Variants in CHD6 observed in about 807,000 individuals in gnomAD.
CHD6 encodes the protein ATP-dependent chromatin remodeler CHD6.
A neutral mutation model predicts 276.9 loss-of-function variants in CHD6; 50 were observed. The observed-to-expected ratio is 0.18, with a 90% CI of 0.14 to 0.23. The LOEUF (loss-of-function observed/expected upper bound fraction) is 0.23, where lower values mean the gene tolerates loss of function less well. CHD6 is among the 10% of genes least tolerant of loss of function. The probability of loss-of-function intolerance (pLI) is 1.00; values close to 1 mark genes in which losing one functional copy is unlikely to be tolerated. For synonymous variants in CHD6, 1,173 were observed against 1,229.3 expected, an observed-to-expected ratio of 0.95 and a Z score of 0.96; for missense variants, 2,564 against 3,365.8, an observed-to-expected ratio of 0.76 and a Z score of 5.89.
chr20:41,534,050 C>T (rs2044762304), intron 2 of CHD6, among the ~76,000 whole-genome samples: 1 of 152,208 alleles, frequency 6.6e-6, no homozygotes, highest in African/African-American at 2.4e-5. Flanking sequence ...CCCAAAGTGA[C>T]CACTTTTTAA....
chr20:41,557,449 A>C (rs1293907979), intron 1 of CHD6, among the ~76,000 whole-genome samples: 1 of 152,056 alleles, frequency 6.6e-6, no homozygotes, highest in African/African-American at 2.4e-5. Flanking sequence ...TCTCCAGTCC[A>C]AAAAATCTGC....
chr20:41,531,591 CTT>C (rs368895997), intron 3 of CHD6, among the ~76,000 whole-genome samples: 334 of 152,328 alleles, frequency 2.2e-3, no homozygotes, highest in African/African-American at 7.5e-3. Context: ...CTACCTCTCT[CTT>C]GGCCGTCTGT....
chr20:41,499,946 T>G (rs930683042), intron 5 of CHD6, among the ~76,000 whole-genome samples: 23 of 152,206 alleles, frequency 1.5e-4, no homozygotes, highest in Non-Finnish European at 1.0e-4. Context: ...AAAGGCTGTT[T>G]CACTGATCAT....
intron 25 of CHD6, among the ~76,000 whole-genome samples, chr20:41,442,396 G>T (rs2047928968): frequency 6.6e-6 from 1 of 152,160 alleles, no homozygotes; most frequent in Admixed American, 6.5e-5. Flanking sequence ...AGGCTACAGT[G>T]AGCTGTGATC....
At chr20:41,605,926 T>C (rs942889354) in intron 1 of CHD6, among the ~76,000 whole-genome samples, 9 of 152,190 alleles carry the variant, frequency 5.9e-5, no homozygotes, top group Non-Finnish European at 1.0e-4. Flanking sequence ...GAACCTACTA[T>C]GTACAAACCT....
intron 1 of CHD6, among the ~76,000 whole-genome samples, chr20:41,606,674 C>CAA (rs10631069): frequency 0.39 from 51,187 of 132,198 alleles, 11,470 homozygotes; most frequent in African/African-American, 0.64. Context: ...GACTCCATCT[C>CAA]AAAAAAAAAA....
chr20:41,520,552 C>G (rs1018613881), intron 3 of CHD6, among the ~76,000 whole-genome samples: 3 of 151,602 alleles, frequency 2.0e-5, no homozygotes, highest in Admixed American at 6.6e-5. Context: ...CCATCATTCT[C>G]AGCAAACTAT....
chr20:41,516,911 T>G lies in CHD6; in HGVS notation c.555-1959A>C, dbSNP rs191820806. 6.6e-5 allele frequency among the ~76,000 whole-genome samples: 10 copies of G among 152,192 alleles called. No individual in the cohort carries two copies. In the East Asian group the frequency reaches 1.9e-3, roughly 29 times the overall value. Reference sequence around the variant, plus strand: ...AGTGGGGAACAAGAAGAGCCAACACTGGTACTTCCCATCAGGAGAGTTAGT... The same window carrying G: ...AGTGGGGAACAAGAAGAGCCAACACGGGTACTTCCCATCAGGAGAGTTAGT... On this transcript the variant is annotated intron_variant, in intron 3 of 36. Transcript: ENST00000373233.
intron 11 of CHD6, among the ~76,000 whole-genome samples, chr20:41,490,601 T>C (rs2043528100): frequency 6.6e-6 from 1 of 152,096 alleles, no homozygotes; most frequent in Non-Finnish European, 1.5e-5. Context: ...TCACCTGAGG[T>C]CAGGAGTTCG....
intron 2 of CHD6, among the ~76,000 whole-genome samples, chr20:41,539,723 T>C (rs1418482537): frequency 6.6e-6 from 1 of 152,206 alleles, no homozygotes; most frequent in Non-Finnish European, 1.5e-5. Context: ...AGGAAACACA[T>C]AATAACTCCA....
intron 1 of CHD6, among the ~76,000 whole-genome samples, chr20:41,615,349 C>CAAAAAAAAAA (rs11379388): frequency 3.2e-5 from 4 of 124,338 alleles, no homozygotes; most frequent in African/African-American, 1.1e-4. Context: ...CATTCCATTG[C>CAAAAAAAAAA]AAAAAAAAAA....
intron 1 of CHD6, among the ~76,000 whole-genome samples, chr20:41,562,423 T>C (rs1214577676): frequency 1.3e-5 from 2 of 152,116 alleles, no homozygotes; most frequent in African/African-American, 4.8e-5. Context: ...GGATTTCTCA[T>C]ATATTCAAGC....
chr20:41,446,770 C>T (rs1452045523), intron 24 of CHD6, among the ~76,000 whole-genome samples: 1 of 152,142 alleles, frequency 6.6e-6, no homozygotes, highest in Non-Finnish European at 1.5e-5. Flanking sequence ...ATGGCAACTT[C>T]TCCACAAGAA....
intron 1 of CHD6, among the ~76,000 whole-genome samples, chr20:41,610,032 T>C (rs1458524040): frequency 2.0e-5 from 3 of 152,036 alleles, no homozygotes; most frequent in Non-Finnish European, 4.4e-5. Context: ...AATTTTTGTA[T>C]TTTTAGTAGA....
At position 41,533,055 on chromosome 20, in the gene CHD6, C is replaced by T; in HGVS notation, c.549G>A (p.Lys183=). 2.5e-6 allele frequency: 4 copies of T among 1,589,056 alleles called. No homozygotes were observed. The highest frequency in any genetic ancestry group is 3.4e-6 in the Non-Finnish European group (4 of 1,172,172). Residue 183 remains lysine, a synonymous_variant, in exon 3 of 37, where the codon AAG becomes AAA. Coordinates refer to ENST00000373233, the MANE Select transcript of CHD6 (RefSeq NM_032221.5). ...GAAGGGAGAAAGGAACGTACCTGGC[C>T]TTCCTGGACTTCGTCCTGGCTGCAG... ...TDSAARTKSR[K]ASKEQGPTPV...
intron 4 of CHD6, among the ~76,000 whole-genome samples, chr20:41,513,725 G>A (rs1297867469): frequency 2.0e-5 from 3 of 151,860 alleles, no homozygotes; most frequent in Non-Finnish European, 4.4e-5. Context: ...ATCACTTCAG[G>A]GAACCATTTA....
At chr20:41,478,172 A>C (rs1267056566) in intron 16 of CHD6, among the ~76,000 whole-genome samples, 1 of 152,154 alleles carries the variant, frequency 6.6e-6, no homozygotes. Flanking sequence ...TGAAGTGCAC[A>C]GTCAACAAGC....
Position 41,533,544 on chromosome 20 carries a change from G to A in CHD6, c.60C>T (p.His20=). ...KQLSNLKVLN[H]SPMSDASVNF... Reference sequence around the variant, plus strand: ...TGACAGAGGCATCAGACATTGGGGAGTGATTCAAAACTTTTAAATTTGACA... The same window carrying A: ...TGACAGAGGCATCAGACATTGGGGAATGATTCAAAACTTTTAAATTTGACA... The change falls in exon 3 of 37, where the codon CAC becomes CAT. Residue 20 remains histidine (H), a synonymous_variant. Coordinates refer to ENST00000373233, the MANE Select transcript of CHD6 (RefSeq NM_032221.5). The A allele has an allele frequency of 6.2e-7, 1 of 1,608,996 alleles. No homozygotes were observed. The highest frequency in any genetic ancestry group is 1.3e-5 in the African/African-American group (1 of 74,834).
chr20:41,566,068 T>A (rs1301167671), intron 1 of CHD6, among the ~76,000 whole-genome samples: 1 of 152,146 alleles, frequency 6.6e-6, no homozygotes, highest in Non-Finnish European at 1.5e-5. Flanking sequence ...GAAGCAGTTC[T>A]CAATAATGGC....
Sources: gnomAD v4.1 joint callset for allele counts (sites outside exome capture counted in the v4.1 genomes callset) on GRCh38, gnomAD v4.1.1 for gene constraint, MANE v1.5 for transcripts, NCBI Gene and HGNC (gene_info 2026-07-23, HGNC 2026-07-21) for gene names.